DNAH14: variants seen among roughly 807,000 people sequenced by gnomAD.
The protein encoded by DNAH14 is dynein axonemal heavy chain 14, also known as axonemal beta dynein heavy chain 14.
DNAH14 carries 478 observed loss-of-function variants against 520.9 expected under a neutral mutation model. The observed-to-expected ratio is 0.92, with a 90% confidence interval of 0.85 to 0.99. The LOEUF (loss-of-function observed/expected upper bound fraction) is 0.99, where lower values mean the gene tolerates loss of function less well. Ranked by LOEUF, DNAH14 falls within the 50% of genes least tolerant of loss-of-function variation. The probability of loss-of-function intolerance (pLI) is 0.00; values close to 1 mark genes in which losing one functional copy is unlikely to be tolerated. For synonymous variants in DNAH14, 1,581 were observed against 1,757.2 expected (o/e 0.90, Z 2.51); for missense variants, 4,831 against 5,234.5 (o/e 0.92, Z 2.38).
intron 43 of DNAH14, among the ~76,000 whole-genome samples, chr1:225,246,177 T>C (rs2092273910): frequency 6.7e-6 from 1 of 150,196 alleles, no homozygotes; most frequent in South Asian, 2.1e-4. Flanking sequence ...GCTAGCCATA[T>C]GCAGAAAACT....
chr1:225,274,194 G>GTTTTTTTTTTTTTTT lies in DNAH14; in HGVS notation c.8010+1071_8010+1072insTTTTTTTTTTTTTTT, dbSNP rs1193834939. 2.9e-3 allele frequency among the ~76,000 whole-genome samples: 354 copies of GTTTTTTTTTTTTTTT among 120,252 alleles called. 60 individuals carry two copies. The highest frequency in any genetic ancestry group is 5.3e-3 in the African/African-American group (156 of 29,410). 78.9% of individuals were successfully genotyped at this position (120,252 alleles called of 152,430 possible). A position where few individuals can be genotyped will look rare whatever the true frequency, so the allele number is the denominator to read the frequency against. On this transcript the variant is annotated intron_variant, in intron 52 of 85. Transcript: ENST00000682510. ...TTTCTCTGCATCCTCACCAGCATCT[G>GTTTTTTTTTTTTTTT]TTATTTTTTTTTTTTTTTTTTTTTT...
At chr1:225,208,942 C>T (rs2087963445) in intron 41 of DNAH14, among the ~76,000 whole-genome samples, 1 of 151,974 alleles carries the variant, frequency 6.6e-6, no homozygotes, top group Admixed American at 6.6e-5. Flanking sequence ...TTCCATTGAC[C>T]TTCTTATAGT....
chr1:225,317,196 G>A (rs2094483233), intron 60 of DNAH14, among the ~76,000 whole-genome samples: 1 of 152,026 alleles, frequency 6.6e-6, no homozygotes, highest in Non-Finnish European at 1.5e-5. Flanking sequence ...TCTTGAAAAT[G>A]CAGAAAGAAA....
At chr1:225,144,921 A>C (rs372440162) in intron 29 of DNAH14, among the ~76,000 whole-genome samples, 3 of 150,858 alleles carry the variant, frequency 2.0e-5, no homozygotes, top group Admixed American at 1.3e-4. Flanking sequence ...TTGTGTGTGT[A>C]TGTGTGTGTG....
intron 23 of DNAH14, among the ~76,000 whole-genome samples, chr1:225,105,071 T>C (rs1310247216): frequency 6.6e-6 from 1 of 152,238 alleles, no homozygotes; most frequent in Non-Finnish European, 1.5e-5. Context: ...GTCCCATAGA[T>C]TCTGGTATGT....
At position 225,389,714 on chromosome 1, in the gene DNAH14, T is replaced by C; in HGVS notation, c.13191-20T>C. 6.4e-7 allele frequency: 1 copy of C among 1,551,646 alleles called. No individual in the cohort carries two copies. Among genetic ancestry groups the C allele is most frequent in the Non-Finnish European group, 8.7e-7 (1 of 1,146,768 alleles). On this transcript the variant is annotated intron_variant, in intron 82 of 85. Transcript: ENST00000682510. ...ATTATTATGCCCTTAACCCCCAACCTGTGGTCTGCCTTCCACTAGGTATAT... is the reference window on the plus strand; with the variant it reads ...ATTATTATGCCCTTAACCCCCAACCCGTGGTCTGCCTTCCACTAGGTATAT...
intron 64 of DNAH14, among the ~76,000 whole-genome samples, chr1:225,325,964 G>C (rs1473263498): frequency 6.6e-6 from 1 of 151,974 alleles, no homozygotes; most frequent in African/African-American, 2.4e-5. Context: ...AAAAAGGACT[G>C]GATATTTTTG....
chr1:225,367,556 C>A (rs2095569287), intron 76 of DNAH14, among the ~76,000 whole-genome samples: 1 of 152,212 alleles, frequency 6.6e-6, no homozygotes, highest in East Asian at 1.9e-4. Flanking sequence ...AATAAGAGTG[C>A]TTTTAATCAC....
intron 2 of DNAH14, 82 bp downstream of exon 2, chr1:224,952,861 A>C: frequency 2.1e-6 from 2 of 932,692 alleles, no homozygotes; most frequent in Non-Finnish European, 3.1e-6. Flanking sequence ...CCATTCTGAC[A>C]GTGAAAGACT....
intron 1 of DNAH14, among the ~76,000 whole-genome samples, chr1:224,948,590 G>T (rs2059986256): frequency 1.3e-5 from 2 of 151,486 alleles, no homozygotes; most frequent in Admixed American, 6.6e-5. Context: ...ATTTATTTCT[G>T]CCACTTTATT....
intron 78 of DNAH14, among the ~76,000 whole-genome samples, chr1:225,375,583 G>A (rs1240757391): frequency 1.3e-5 from 2 of 152,122 alleles, no homozygotes; most frequent in Non-Finnish European, 2.9e-5. Flanking sequence ...GAGGTCTTGA[G>A]GATATGGATA....
chr1:225,298,505 G>A (rs2150051587), intron 55 of DNAH14, among the ~76,000 whole-genome samples: 1 of 152,312 alleles, frequency 6.6e-6, no homozygotes. Flanking sequence ...CTGCTGGCAG[G>A]ACCACAATCA....
chr1:225,176,011 C>T (rs2083293166), intron 36 of DNAH14, among the ~76,000 whole-genome samples: 2 of 152,096 alleles, frequency 1.3e-5, no homozygotes, highest in African/African-American at 4.8e-5. Context: ...ACCTCGGACT[C>T]CCAAAGTGCT....
At chr1:224,995,429 AT>A (rs551464328) in intron 8 of DNAH14, among the ~76,000 whole-genome samples, 3 of 150,256 alleles carry the variant, frequency 2.0e-5, no homozygotes, top group African/African-American at 7.4e-5. Context: ...TTATACTGGG[AT>A]TTTTTTTTGT....
intron 11 of DNAH14, among the ~76,000 whole-genome samples, chr1:225,031,311 TA>T (rs1396414071): frequency 1.3e-5 from 2 of 152,098 alleles, no homozygotes; most frequent in Admixed American, 1.3e-4. Flanking sequence ...GTCAACAAAA[TA>T]TAGCCCATAG....
At chr1:225,347,934 A>G (rs1184714986) in intron 71 of DNAH14, among the ~76,000 whole-genome samples, 2 of 152,212 alleles carry the variant, frequency 1.3e-5, no homozygotes, top group African/African-American at 2.4e-5. Context: ...AAAGTTGCTC[A>G]ATGAGCTAAA....
chr1:225,345,045 C>A (rs1359536037), intron 69 of DNAH14, among the ~76,000 whole-genome samples: 1 of 152,090 alleles, frequency 6.6e-6, no homozygotes, highest in East Asian at 1.9e-4. Context: ...CTCTTGTTTT[C>A]TCTTTGGTTG....
intron 11 of DNAH14, among the ~76,000 whole-genome samples, chr1:225,031,040 CTTTGA>C (rs2066485768): frequency 6.6e-6 from 1 of 151,806 alleles, no homozygotes; most frequent in Non-Finnish European, 1.5e-5. Context: ...TTTAGATCTT[CTTTGA>C]TTTATCTCTT....
At chr1:225,324,374 A>T (rs1052394391) in intron 63 of DNAH14, 21 bp downstream of exon 63, 1 of 1,547,164 alleles carries the variant, frequency 6.5e-7, no homozygotes, top group East Asian at 2.4e-5. Context: ...CCTCCTAAAC[A>T]TCTGTCATGA....
Sources: gnomAD v4.1 joint callset for allele counts (sites outside exome capture counted in the v4.1 genomes callset) on GRCh38, gnomAD v4.1.1 for gene constraint, MANE v1.5 for transcripts, NCBI Gene and HGNC (gene_info 2026-07-23, HGNC 2026-07-21) for gene names.